Variants in TTC7A observed in about 807,000 individuals in gnomAD.
The protein encoded by TTC7A is tetratricopeptide repeat domain 7A.
TTC7A carries 110 observed loss-of-function variants against 103.7 expected under a neutral mutation model. The observed-to-expected ratio is 1.06, with a 90% CI of 0.91 to 1.24. TTC7A has a LOEUF of 1.24. Ranked by LOEUF, TTC7A falls within the 50% of genes most tolerant of loss-of-function variation. The probability of loss-of-function intolerance (pLI) is 0.00; values close to 1 mark genes in which losing one functional copy is unlikely to be tolerated. For synonymous variants in TTC7A, 521 were observed against 467.9 expected, an observed-to-expected ratio of 1.11 and a Z score of -1.47; for missense variants, 1,340 against 1,116.3, an observed-to-expected ratio of 1.20 and a Z score of -2.86.
At position 47,005,931 on chromosome 2, in the gene TTC7A, G is replaced by A. The variant is rs747275226; in HGVS notation, c.1075G>A (p.Asp359Asn). Residue 359 changes from aspartate to asparagine, a missense_variant, in exon 9 of 20, where the codon GAT (aspartate) becomes AAT (asparagine). Coordinates refer to ENST00000319190, the MANE Select transcript of TTC7A (RefSeq NM_020458.4). The stretch of plus-strand genomic sequence containing the variant: ...AATGTCCCACCCACAGGCAACTCGA[G>A]ATGTGGTGCTGAGCCGGGTGCCGGA... Reference protein sequence around the residue: ...LLISESMATRDVVLSRVPEQE... With the variant: ...LLISESMATRNVVLSRVPEQE... The A allele has an allele frequency of 3.7e-6, 6 of 1,614,172 alleles. No homozygotes were observed. The highest frequency in any genetic ancestry group is 5.1e-6 in the Non-Finnish European group (6 of 1,180,034).
intron 2 of TTC7A, among the ~76,000 whole-genome samples, chr2:46,917,698 C>A (rs766986113): frequency 1.9e-4 from 29 of 152,200 alleles, no homozygotes; most frequent in Non-Finnish European, 3.2e-4. Flanking sequence ...TATAAACTTG[C>A]TGTATTTTCT....
intron 3 of TTC7A, among the ~76,000 whole-genome samples, chr2:46,961,605 A>AAATAAATT (rs377767079): frequency 7.1e-6 from 1 of 140,860 alleles, no homozygotes; most frequent in African/African-American, 2.7e-5. Flanking sequence ...ATAAATAAAT[A>AAATAAATT]AAATAAAAAA....
rs142740520 is a variant in TTC7A at position 46,918,402 on chromosome 2, T to C, written c.82+1125T>C. On this transcript the variant is annotated intron_variant, in intron 2 of 20. Transcript: ENST00000409245. ...CCAGTAGTAGATGATGCTGCTGGAC[T>C]ACTTGAGAGAGAGCTTCCTAACTGA... Among the ~76,000 whole-genome samples the C allele has an allele frequency of 3.3e-3, 507 of 152,356 alleles. 4 individuals are homozygous for C. Among genetic ancestry groups the C allele is most frequent in the African/African-American group, 0.011 (478 of 41,576 alleles).
At chr2:46,916,205 A>T in exon 1 of TTC7A, 3 of 972,648 alleles carry the variant, frequency 3.1e-6, no homozygotes, top group Non-Finnish European at 3.7e-6. Flanking sequence ...TCCTGCTGCA[A>T]GTTGGGAAGA....
At position 46,975,115 on chromosome 2, in the gene TTC7A, A is replaced by G; in HGVS notation, c.648+12A>G. ...AGGAATTGGAGAAGGTGAGCTGGAA[A>G]TAACACCGTGGTAGGAGCTGCTCTC... On this transcript the variant is annotated intron_variant, in intron 4 of 19. Coordinates refer to ENST00000319190, the MANE Select transcript of TTC7A (RefSeq NM_020458.4). The G allele has an allele frequency of 6.2e-7, 1 of 1,612,970 alleles. No individual in the cohort carries two copies. Among genetic ancestry groups the G allele is most frequent in the Non-Finnish European group, 8.5e-7 (1 of 1,179,304 alleles).
At chr2:46,937,283 C>T (rs1670026551), upstream of TTC7A, among the ~76,000 whole-genome samples, 1 of 152,084 alleles carries the variant, frequency 6.6e-6, no homozygotes, top group African/African-American at 2.4e-5. This position sits in a 1 kb window ranked among gnomAD's most constrained non-coding sequence, Gnocchi z 4.0. Context: ...TTTCCCCTAC[C>T]CTATGCTCCT....
chr2:47,071,803 A>G (rs1684749709), intron 19 of TTC7A, among the ~76,000 whole-genome samples: 1 of 152,166 alleles, frequency 6.6e-6, no homozygotes, highest in Non-Finnish European at 1.5e-5. Flanking sequence ...ATACTTCTTG[A>G]TATCAGGGGT....
At chr2:46,978,562 TAA>T (rs74444627) in intron 4 of TTC7A, among the ~76,000 whole-genome samples, 4 of 132,744 alleles carry the variant, frequency 3.0e-5, no homozygotes, top group Non-Finnish European at 3.2e-5. Flanking sequence ...CCCTGTTTCT[TAA>T]AAAAAAAAAA....
At chr2:47,039,376 C>T (rs143480266) in intron 15 of TTC7A, among the ~76,000 whole-genome samples, 1 of 152,344 alleles carries the variant, frequency 6.6e-6, no homozygotes, top group African/African-American at 2.4e-5. Context: ...CAGCTCTGCT[C>T]TGCCAACTTC....
chr2:47,055,331 T>C (rs1328839817), intron 18 of TTC7A, among the ~76,000 whole-genome samples: 1 of 152,220 alleles, frequency 6.6e-6, no homozygotes, highest in African/African-American at 2.4e-5. Flanking sequence ...AAAGAGACTG[T>C]CGTAGCCTTC....
At chr2:46,957,477 C>G (rs931256449) in intron 3 of TTC7A, among the ~76,000 whole-genome samples, 1 of 152,242 alleles carries the variant, frequency 6.6e-6, no homozygotes, top group Non-Finnish European at 1.5e-5. Flanking sequence ...TCTGCCACTC[C>G]TCAGTTATTT....
chr2:46,975,976 A>C (rs914196414), intron 4 of TTC7A, among the ~76,000 whole-genome samples: 1 of 152,248 alleles, frequency 6.6e-6, no homozygotes, highest in East Asian at 1.9e-4. Flanking sequence ...ACCTCAGGTG[A>C]TCCACCTGCC....
intron 1 of TTC7A, among the ~76,000 whole-genome samples, chr2:46,943,468 G>A (rs1239156602): frequency 6.6e-6 from 1 of 152,016 alleles, no homozygotes; most frequent in African/African-American, 2.4e-5. Context: ...CCAGTTTTGG[G>A]GTCTGTGAAT....
At chr2:47,029,807 G>A (rs1034721824) in intron 15 of TTC7A, among the ~76,000 whole-genome samples, 4 of 145,858 alleles carry the variant, frequency 2.7e-5, no homozygotes, top group Admixed American at 1.3e-4. Context: ...AGCTGGAGAC[G>A]GGTTATGGCC....
At chr2:47,066,368 G>A (rs6704853) in intron 19 of TTC7A, among the ~76,000 whole-genome samples, 44,240 of 151,928 alleles carry the variant, frequency 0.29, 10,912 homozygotes, top group East Asian at 0.69. Flanking sequence ...GCTCCCTACT[G>A]CCACCCCTGG....
At chr2:46,993,105 G>A (rs1238103387) in intron 5 of TTC7A, among the ~76,000 whole-genome samples, 1 of 152,230 alleles carries the variant, frequency 6.6e-6, no homozygotes, top group Non-Finnish European at 1.5e-5. Flanking sequence ...ATTTGAGACT[G>A]ACTGAGGTCA....
intron 15 of TTC7A, among the ~76,000 whole-genome samples, chr2:47,031,937 C>G (rs1396617954): frequency 1.3e-5 from 2 of 152,246 alleles, no homozygotes; most frequent in Non-Finnish European, 2.9e-5. Flanking sequence ...TGACTCTCAC[C>G]CCAGGGGTGC....
chr2:46,935,176 G>T (rs74685514), intron 2 of TTC7A, among the ~76,000 whole-genome samples: 1 of 152,058 alleles, frequency 6.6e-6, no homozygotes, highest in Non-Finnish European at 1.5e-5. Flanking sequence ...ATGGCTGAAG[G>T]CTTGTCCCTG....
chr2:46,967,880 C>A (rs774562679), intron 3 of TTC7A, among the ~76,000 whole-genome samples: 1 of 152,020 alleles, frequency 6.6e-6, no homozygotes, highest in Non-Finnish European at 1.5e-5. Context: ...TTCGGTTTCC[C>A]CCCGAGAGCT....
Sources: gnomAD v4.1 joint callset for allele counts (sites outside exome capture counted in the v4.1 genomes callset) on GRCh38, gnomAD v4.1.1 for gene constraint, Gnocchi (gnomAD v3.1) non-coding constraint, MANE v1.5 for transcripts, NCBI Gene and HGNC (gene_info 2026-07-23, HGNC 2026-07-21) for gene names.